Variants in SMOC2 observed in about 807,000 individuals in gnomAD.
SMOC2 encodes the protein SPARC related modular calcium binding 2.
In SMOC2, 39 loss-of-function variants were observed where a neutral mutation model predicts 61.4. That is an observed-to-expected ratio of 0.64 (90% CI 0.49 to 0.83). The LOEUF (loss-of-function observed/expected upper bound fraction) is 0.83. Among genes scored for constraint, SMOC2 ranks in the 40% least tolerant of loss-of-function variants. SMOC2 has a pLI of 0.00. For missense variants in SMOC2, 556 were observed against 592.9 expected (o/e 0.94, Z 0.65); for synonymous variants, 247 against 239.9 (o/e 1.03, Z -0.27).
intron 1 of SMOC2, among the ~76,000 whole-genome samples, chr6:168,489,177 C>A (rs1217888844): frequency 6.6e-6 from 1 of 150,524 alleles, no homozygotes; most frequent in African/African-American, 2.5e-5. Flanking sequence ...TCGTCTGGGT[C>A]CCCTTGCATC....
chr6:168,580,097 G>A (rs1784889506), intron 7 of SMOC2, among the ~76,000 whole-genome samples: 1 of 152,110 alleles, frequency 6.6e-6, no homozygotes, highest in Admixed American at 6.5e-5. Context: ...TTAAGACGTA[G>A]TTTTCCCTCC....
chr6:168,599,581 A>ACACACACCCACACACACATTCCCC (rs138811685), intron 8 of SMOC2, among the ~76,000 whole-genome samples: 1 of 31,626 alleles, frequency 3.2e-5, no homozygotes, highest in Non-Finnish European at 4.9e-5. Context: ...CACTCATACC[A>ACACACACCCACACACACATTCCCC]CACACACCCA....
chr6:168,621,027 A>C (rs1263247021), intron 9 of SMOC2, among the ~76,000 whole-genome samples: 1 of 152,098 alleles, frequency 6.6e-6, no homozygotes, highest in African/African-American at 2.4e-5. Context: ...CAGGCTATGG[A>C]AACCCCTAGG....
intron 1 of SMOC2, among the ~76,000 whole-genome samples, chr6:168,504,943 A>C (rs1426783627): frequency 6.6e-6 from 1 of 151,572 alleles, no homozygotes; most frequent in African/African-American, 2.4e-5. Context: ...ACAATAAAAT[A>C]CTGAAGTTAA....
intron 1 of SMOC2, among the ~76,000 whole-genome samples, chr6:168,463,531 G>A (rs1781759958): frequency 6.6e-6 from 1 of 152,182 alleles, no homozygotes; most frequent in Non-Finnish European, 1.5e-5. Context: ...AGAATATGGA[G>A]GAATGTGAAG....
chr6:168,664,200 G>A lies in SMOC2; in HGVS notation c.1323+89G>A, dbSNP rs767347882. 107 of 1,035,210 alleles carry A rather than the reference G, an allele frequency of 1.0e-4. No individual in the cohort carries two copies. In the African/African-American group the frequency reaches 1.4e-3, roughly 14 times the overall value. The allele number at this position is 1,035,210 out of a possible 1,614,324, so 64.1% of individuals were successfully genotyped here. Reference sequence around the variant, plus strand: ...GAGTTATGTAGATTTGCAATGGCCAGTACCTTCCAAGAAAATCCAAGAAAA... The same window carrying A: ...GAGTTATGTAGATTTGCAATGGCCAATACCTTCCAAGAAAATCCAAGAAAA... On this transcript the variant is annotated intron_variant, in intron 12 of 12. Coordinates refer to ENST00000356284, the MANE Select transcript of SMOC2 (RefSeq NM_001166412.2).
intron 7 of SMOC2, among the ~76,000 whole-genome samples, chr6:168,582,327 T>A (rs114035030): frequency 0.013 from 2,052 of 152,276 alleles, 33 homozygotes; most frequent in South Asian, 0.047. Context: ...TAGCTGGAGA[T>A]GTGTGAGACC....
At chr6:168,506,820 T>A (rs1186211808) in intron 1 of SMOC2, among the ~76,000 whole-genome samples, 1 of 152,264 alleles carries the variant, frequency 6.6e-6, no homozygotes. Context: ...TTATCTTGAA[T>A]TAGTTTTAAG....
chr6:168,611,443 G>A (rs1583158532), intron 9 of SMOC2, among the ~76,000 whole-genome samples: 2 of 127,852 alleles, frequency 1.6e-5, no homozygotes, highest in East Asian at 2.4e-4. Context: ...GGGCCTGGCC[G>A]TGGCTCCCAT....
chr6:168,647,368 C>G (rs954188089), intron 9 of SMOC2, among the ~76,000 whole-genome samples: 2 of 152,216 alleles, frequency 1.3e-5, no homozygotes, highest in African/African-American at 4.8e-5. Context: ...CATACAGGTT[C>G]TCAGCGGGCA....
chr6:168,662,337 C>T (rs150854711), intron 11 of SMOC2, among the ~76,000 whole-genome samples: 141 of 152,258 alleles, frequency 9.3e-4, no homozygotes, highest in African/African-American at 2.9e-3. Context: ...AGGGCTGGAA[C>T]GTTAGATGGG....
chr6:168,476,290 A>G (rs1782082851), intron 1 of SMOC2, among the ~76,000 whole-genome samples: 1 of 152,118 alleles, frequency 6.6e-6, no homozygotes, highest in African/African-American at 2.4e-5. Flanking sequence ...TCACTAGTTA[A>G]TCACTGAGTA....
At chr6:168,463,388 A>G (rs538880266) in intron 1 of SMOC2, among the ~76,000 whole-genome samples, 13 of 152,180 alleles carry the variant, frequency 8.5e-5, no homozygotes, top group Non-Finnish European at 1.8e-4. Flanking sequence ...TATGTGCTGA[A>G]ATACACGAGG....
At chr6:168,664,323 A>G in intron 12 of SMOC2, 1 of 599,904 alleles carries the variant, frequency 1.7e-6, no homozygotes, top group East Asian at 3.3e-5. Context: ...GTTTGAAAAA[A>G]GTTTATTATT....
intron 1 of SMOC2, among the ~76,000 whole-genome samples, chr6:168,458,297 G>C (rs1562538932): frequency 6.6e-6 from 1 of 151,312 alleles, no homozygotes; most frequent in Non-Finnish European, 1.5e-5. Flanking sequence ...GAGGGAGACG[G>C]TCTCACCCTG....
intron 1 of SMOC2, among the ~76,000 whole-genome samples, chr6:168,494,752 C>T (rs548126044): frequency 3.9e-5 from 6 of 152,282 alleles, no homozygotes; most frequent in South Asian, 2.1e-4. Context: ...AGTGAACCCT[C>T]GGCTGGAGCA....
Position 168,609,739 on chromosome 6 carries a change from G to T in SMOC2, c.907+1500G>T, listed in dbSNP as rs534570273. On this transcript the variant is annotated intron_variant, in intron 9 of 12. Transcript: ENST00000356284. Reference sequence around the variant, plus strand: ...AATAAATGTTTCCTGGTTTTGGTTGGTCTTGACCTTGTCACGTGCACTTCA... The same window carrying T: ...AATAAATGTTTCCTGGTTTTGGTTGTTCTTGACCTTGTCACGTGCACTTCA... 3.3e-5 allele frequency among the ~76,000 whole-genome samples: 5 copies of T among 152,288 alleles called. No individual in the cohort carries two copies. The South Asian group carries it at 1.0e-3, about 32-fold the overall frequency.
chr6:168,647,317 C>A (rs566575921), intron 9 of SMOC2, among the ~76,000 whole-genome samples: 1 of 152,314 alleles, frequency 6.6e-6, no homozygotes, highest in African/African-American at 2.4e-5. Flanking sequence ...AGGCCGGGGG[C>A]GGAGTGTGCT....
intron 1 of SMOC2, among the ~76,000 whole-genome samples, chr6:168,504,544 G>A (rs1383097800): frequency 6.6e-6 from 1 of 151,890 alleles, no homozygotes; most frequent in Non-Finnish European, 1.5e-5. Context: ...AGGAGGTGGA[G>A]CTCAGGGTAA....
Sources: allele counts gnomAD v4.1 joint callset (sites outside exome capture counted in the v4.1 genomes callset), GRCh38; gene constraint gnomAD v4.1.1; transcripts MANE v1.5; gene names NCBI Gene and HGNC (gene_info 2026-07-23, HGNC 2026-07-21).